STK33: variants seen among roughly 807,000 people sequenced by gnomAD.
STK33 encodes the protein serine/threonine kinase 33, also known as serine/threonine-protein kinase 33.
In STK33, 52 loss-of-function variants were observed where a neutral mutation model predicts 58.0. The ratio of observed to expected loss-of-function variants is 0.90; its 90% CI spans 0.72 to 1.13. The LOEUF (loss-of-function observed/expected upper bound fraction) is 1.13. Ranked by LOEUF, STK33 falls within the 50% of genes most tolerant of loss-of-function variation. The pLI, the probability that STK33 is intolerant of heterozygous loss-of-function variation, is 0.00. For missense variants in STK33, 630 were observed against 604.2 expected (o/e 1.04, Z -0.45); for synonymous variants, 215 against 200.1 (o/e 1.07, Z -0.63).
chr11:8,415,891 G>C (rs1941048867), intron 14 of STK33, among the ~76,000 whole-genome samples: 1 of 152,060 alleles, frequency 6.6e-6, no homozygotes, highest in Admixed American at 6.6e-5. Context: ...AGTCCCCCAA[G>C]AGCAGTTTAA....
At chr11:8,471,816 G>C (rs1469401324) in intron 6 of STK33, among the ~76,000 whole-genome samples, 1 of 151,946 alleles carries the variant, frequency 6.6e-6, no homozygotes, top group Non-Finnish European at 1.5e-5. Context: ...TTTTAAATTG[G>C]TTATATCTGG....
chr11:8,396,818 C>T (rs1408149238), intron 15 of STK33, among the ~76,000 whole-genome samples: 1 of 152,222 alleles, frequency 6.6e-6, no homozygotes, highest in African/African-American at 2.4e-5. Flanking sequence ...AGATTATATC[C>T]CGTGCCTGGC....
chr11:8,500,789 A>G (rs1347711283), intron 1 of STK33, among the ~76,000 whole-genome samples: 1 of 152,192 alleles, frequency 6.6e-6, no homozygotes, highest in East Asian at 1.9e-4. Flanking sequence ...GCTTACTTCA[A>G]AACTATAGTA....
rs112680348 is a variant in STK33 at position 8,535,789 on chromosome 11, A to G, written c.-465-55175T>C. ...ATATCAAAGGGATACTTGCACTCACATGTTTATTGCAGCATTATTCACAAT... is the reference window on the plus strand; with the variant it reads ...ATATCAAAGGGATACTTGCACTCACGTGTTTATTGCAGCATTATTCACAAT... On this transcript the variant is annotated intron_variant, in intron 1 of 15. Coordinates refer to ENST00000687296, the MANE Select transcript of STK33 (RefSeq NM_001352389.2). Among the ~76,000 whole-genome samples, 677 of 152,322 alleles carry G rather than the reference A, an allele frequency of 4.4e-3. 11 individuals are homozygous for G. Among genetic ancestry groups the G allele is most frequent in the African/African-American group, 0.015 (644 of 41,576 alleles).
chr11:8,454,980 T>A, intron 9 of STK33, 148 bp from the exon 10 acceptor site: 1 of 810,500 alleles, frequency 1.2e-6, no homozygotes, highest in Admixed American at 4.7e-5. Flanking sequence ...ATTCTCTCAT[T>A]TATAAATGCT....
intron 1 of STK33, among the ~76,000 whole-genome samples, chr11:8,493,876 G>T (rs962304090): frequency 6.6e-6 from 1 of 152,036 alleles, no homozygotes; most frequent in Non-Finnish European, 1.5e-5. Context: ...ATGCAGAAAA[G>T]GACTTTGACA....
chr11:8,552,259 C>T (rs1003628417), intron 1 of STK33, among the ~76,000 whole-genome samples: 5 of 152,300 alleles, frequency 3.3e-5, no homozygotes, highest in Middle Eastern at 3.4e-3. Flanking sequence ...TGGCTTATCT[C>T]GATCCTGTGA....
intron 1 of STK33, among the ~76,000 whole-genome samples, chr11:8,574,772 C>T (rs1958060222): frequency 1.3e-5 from 2 of 152,066 alleles, no homozygotes; most frequent in Admixed American, 1.3e-4. Context: ...GGCATGGTGG[C>T]TCATGCCTGT....
chr11:8,364,373 G>A, the STK33 span, among the ~76,000 whole-genome samples: 9 of 152,210 alleles, frequency 5.9e-5, no homozygotes, highest in African/African-American at 2.2e-4. Context: ...GAAGTGTCAT[G>A]TGGGTTTCTA....
Position 8,520,410 on chromosome 11 carries a change from AG to A in STK33, c.-465-39797del, listed in dbSNP as rs1343939108. ...TCATACTGAATGGGCAAAAACTGGAAGCATTCCCTTTGAAAACTGGCACAAG... is the reference window on the plus strand; with the variant it reads ...TCATACTGAATGGGCAAAAACTGGAACATTCCCTTTGAAAACTGGCACAAG... On this transcript the variant is annotated intron_variant, in intron 1 of 15. Coordinates refer to ENST00000687296, the MANE Select transcript of STK33 (RefSeq NM_001352389.2). Among the ~76,000 whole-genome samples, 49 of 152,272 alleles carry A rather than the reference AG, an allele frequency of 3.2e-4. 1 individual carries two copies. The East Asian group carries it at 5.4e-3, about 17-fold the overall frequency.
At chr11:8,541,370 A>T (rs1565316426) in intron 1 of STK33, among the ~76,000 whole-genome samples, 1 of 152,150 alleles carries the variant, frequency 6.6e-6, no homozygotes, top group Admixed American at 6.5e-5. Flanking sequence ...TGTTGAAGCA[A>T]GATAACTCAG....
chr11:8,468,794 T>A (rs1370505651), intron 6 of STK33, among the ~76,000 whole-genome samples: 1 of 152,214 alleles, frequency 6.6e-6, no homozygotes, highest in Non-Finnish European at 1.5e-5. Flanking sequence ...AACTCTCAAC[T>A]GTATACAGAG....
chr11:8,379,374 A>G, the STK33 span, among the ~76,000 whole-genome samples: 2 of 152,330 alleles, frequency 1.3e-5, no homozygotes, highest in African/African-American at 4.8e-5. Flanking sequence ...AGAAGGGGAG[A>G]AAATATTAGC....
At chr11:8,346,819 C>A in the STK33 span, among the ~76,000 whole-genome samples, 678 of 152,252 alleles carry the variant, frequency 4.5e-3, 3 homozygotes, top group African/African-American at 0.015. Context: ...TTGGGGAACA[C>A]GAGCTATCTG....
At chr11:8,441,334 T>C (rs970105190) in intron 11 of STK33, among the ~76,000 whole-genome samples, 1 of 151,828 alleles carries the variant, frequency 6.6e-6, no homozygotes, top group Non-Finnish European at 1.5e-5. Context: ...ATACTAAATA[T>C]ATATATGTGT....
the STK33 span, among the ~76,000 whole-genome samples, chr11:8,376,818 G>A: frequency 6.6e-6 from 1 of 152,092 alleles, no homozygotes; most frequent in Non-Finnish European, 1.5e-5. Flanking sequence ...GGGATTACAG[G>A]CATGAGCCAC....
intron 15 of STK33, among the ~76,000 whole-genome samples, chr11:8,399,061 G>C (rs535792097): frequency 1.3e-5 from 2 of 152,262 alleles, no homozygotes; most frequent in South Asian, 4.1e-4. Flanking sequence ...AGATCAACGA[G>C]ACAGAAAGTT....
intron 15 of STK33, among the ~76,000 whole-genome samples, chr11:8,403,919 A>G (rs1348120769): frequency 6.6e-6 from 1 of 152,210 alleles, no homozygotes; most frequent in Non-Finnish European, 1.5e-5. Flanking sequence ...ATTACTAGAA[A>G]CTGTTAGCAT....
At chr11:8,481,074 GA>G (rs1490794153) in intron 1 of STK33, among the ~76,000 whole-genome samples, 1 of 152,104 alleles carries the variant, frequency 6.6e-6, no homozygotes, top group East Asian at 1.9e-4. Context: ...AACTTTCCAG[GA>G]AACTAGGTAG....
Sources: gnomAD v4.1 joint callset for allele counts (sites outside exome capture counted in the v4.1 genomes callset) on GRCh38, gnomAD v4.1.1 for gene constraint, MANE v1.5 for transcripts, NCBI Gene and HGNC (gene_info 2026-07-23, HGNC 2026-07-21) for gene names.